The following APBA2 variants were observed in gnomAD, a reference collection of about 807,000 sequenced individuals.
APBA2 encodes amyloid-beta A4 precursor protein-binding family A member 2.
A neutral mutation model predicts 75.0 loss-of-function variants in APBA2; 30 were observed. The ratio of observed to expected loss-of-function variants is 0.40; its 90% CI spans 0.30 to 0.54. APBA2 has a LOEUF of 0.54. APBA2 is among the 20% of genes least tolerant of loss of function. The pLI, the probability that APBA2 is intolerant of heterozygous loss-of-function variation, is 0.49. For missense variants in APBA2, 801 were observed against 1,016.1 expected (o/e 0.79, Z 2.88); for synonymous variants, 444 against 409.6 (o/e 1.08, Z -1.01).
intron 14 of APBA2, 66 bp downstream of exon 14, chr15:29,114,082 A>G: frequency 6.2e-7 from 1 of 1,608,282 alleles, no homozygotes; most frequent in Non-Finnish European, 8.5e-7. Flanking sequence ...GCCCTCCATG[A>G]GCCTCCCCCG....
intron 2 of APBA2, among the ~76,000 whole-genome samples, chr15:28,969,147 T>TCTTTCTTC (rs1400681376): frequency 1.3e-5 from 1 of 76,170 alleles, no homozygotes; most frequent in African/African-American, 4.7e-4. Flanking sequence ...TTTCTTTCTT[T>TCTTTCTTC]CTTTCTTTCT....
intron 1 of APBA2, 43 bp from the exon 2 acceptor site, chr15:28,921,597 A>G (rs1288385347): frequency 1.3e-5 from 2 of 152,194 alleles, no homozygotes; most frequent in African/African-American, 2.4e-5. Context: ...TTCCTTTCTC[A>G]GCTGGTTGAC....
intron 2 of APBA2, among the ~76,000 whole-genome samples, chr15:28,983,800 T>A (rs961200664): frequency 6.6e-6 from 1 of 152,158 alleles, no homozygotes; most frequent in Non-Finnish European, 1.5e-5. Flanking sequence ...GAAACCCACC[T>A]CTGGGGAAGG....
At chr15:29,012,279 T>C (rs1447270430) in intron 3 of APBA2, among the ~76,000 whole-genome samples, 1 of 152,212 alleles carries the variant, frequency 6.6e-6, no homozygotes, top group African/African-American at 2.4e-5. Flanking sequence ...TCCTCTGACT[T>C]TCCTTGTTTC....
intron 3 of APBA2, among the ~76,000 whole-genome samples, chr15:29,009,698 G>C (rs1056288096): frequency 6.6e-6 from 1 of 152,076 alleles, no homozygotes; most frequent in Non-Finnish European, 1.5e-5. Flanking sequence ...TTTTATGTCA[G>C]CTTATTTTAT....
chr15:29,007,297 G>A (rs1225227133), intron 3 of APBA2, among the ~76,000 whole-genome samples: 1 of 152,126 alleles, frequency 6.6e-6, no homozygotes, highest in Non-Finnish European at 1.5e-5. Context: ...AAGAAAACAG[G>A]TGCACAACTT....
Position 29,105,408 on chromosome 15 carries a change from G to A in APBA2, c.1554G>A (p.Gln518=), listed in dbSNP as rs779194069. 1.2e-6 allele frequency: 2 copies of A among 1,612,452 alleles called. No individual in the cohort carries two copies. The change falls in exon 11 of 15, where the codon CAG becomes CAA. Residue 518 remains glutamine (Q), a synonymous_variant. Coordinates refer to ENST00000683413, the MANE Select transcript of APBA2 (RefSeq NM_001353788.2). ...AGCTCATCGCCCAGTCTATCGGCCA[G>A]GCCTTCAGCGTGGCCTACCAGGAGT... is the stretch of plus-strand genomic sequence containing the variant. ...DAQLIAQSIG[Q]AFSVAYQEFL...
At position 29,094,314 on chromosome 15, in the gene APBA2, G is replaced by A. The variant is rs759703432; in HGVS notation, c.1251+1G>A. On this transcript the variant is annotated splice_donor_variant, in intron 8 of 14. Coordinates refer to ENST00000683413, the MANE Select transcript of APBA2 (RefSeq NM_001353788.2). LOFTEE classifies it high-confidence loss of function. ...GGCTGCTAAGATCAAGAAAAAAGCGGTGTGTAGGGCCTTGAGGCCCTGGGA... is the reference window on the plus strand; with the variant it reads ...GGCTGCTAAGATCAAGAAAAAAGCGATGTGTAGGGCCTTGAGGCCCTGGGA... 1.2e-6 allele frequency: 2 copies of A among 1,614,074 alleles called. No homozygotes were observed. Among genetic ancestry groups the A allele is most frequent in the African/African-American group, 1.3e-5 (1 of 74,946 alleles).
chr15:28,931,737 C>T (rs2152689090), intron 2 of APBA2, among the ~76,000 whole-genome samples: 1 of 152,250 alleles, frequency 6.6e-6, no homozygotes, highest in Non-Finnish European at 1.5e-5. Context: ...ATGTTATTGT[C>T]TGCATTTGGC....
At chr15:29,101,310 A>C (rs1397601470) in intron 9 of APBA2, among the ~76,000 whole-genome samples, 1 of 151,220 alleles carries the variant, frequency 6.6e-6, no homozygotes, top group Non-Finnish European at 1.5e-5. Context: ...GCTCGATGCA[A>C]CCTCTGCCTT....
intron 1 of APBA2, among the ~76,000 whole-genome samples, chr15:28,889,546 G>C (rs2031990776): frequency 6.6e-6 from 1 of 152,156 alleles, no homozygotes; most frequent in Non-Finnish European, 1.5e-5. Flanking sequence ...GCCCCTCCAG[G>C]CTGCCCTGGC....
At chr15:29,029,905 C>G (rs1014457712) in intron 3 of APBA2, among the ~76,000 whole-genome samples, 6 of 152,140 alleles carry the variant, frequency 3.9e-5, no homozygotes, top group African/African-American at 1.4e-4. Flanking sequence ...CCAGAGGTGC[C>G]GGACATGCAG....
intron 1 of APBA2, among the ~76,000 whole-genome samples, chr15:28,901,908 A>ATGTGTGTGTGTGTG (rs766260051): frequency 0.096 from 6,432 of 67,306 alleles, 992 homozygotes; most frequent in African/African-American, 0.15. Context: ...GGAGCTTTTG[A>ATGTGTGTGTGTGTG]TGTGTGTGTG....
chr15:29,015,279 C>A (rs1352643303), intron 3 of APBA2, among the ~76,000 whole-genome samples: 1 of 152,128 alleles, frequency 6.6e-6, no homozygotes, highest in East Asian at 1.9e-4. Flanking sequence ...TTGTCCAGGG[C>A]AGTTGCAGAG....
rs1566984179 is a variant in APBA2 at position 29,081,692 on chromosome 15, T to TAAAAGGAAAAA, written c.1069+5601_1069+5602insAAAAGGAAAAA. Among the ~76,000 whole-genome samples the TAAAAGGAAAAA allele has an allele frequency of 1.2e-4, 19 of 152,362 alleles. 1 individual carries two copies. Among genetic ancestry groups the TAAAAGGAAAAA allele is most frequent in the Admixed American group, 9.8e-4 (15 of 15,304 alleles). On this transcript the variant is annotated intron_variant, in intron 6 of 14. Coordinates refer to ENST00000683413, the MANE Select transcript of APBA2 (RefSeq NM_001353788.2). The stretch of plus-strand genomic sequence containing the variant: ...GCCACATGGCTCTGTACTTAGCTTT[T>TAAAAGGAAAAA]TCCTTTCTTGCTAGATCTTGGAAAC...
intron 2 of APBA2, among the ~76,000 whole-genome samples, chr15:28,977,743 G>A (rs1256325940): frequency 6.6e-6 from 1 of 152,142 alleles, no homozygotes; most frequent in Non-Finnish European, 1.5e-5. Context: ...TCCTGCTCTC[G>A]TATGTGACAG....
intron 1 of APBA2, among the ~76,000 whole-genome samples, chr15:28,904,903 G>T (rs960769592): frequency 1.3e-5 from 2 of 152,236 alleles, no homozygotes; most frequent in Non-Finnish European, 2.9e-5. Flanking sequence ...TCCAGGGAGA[G>T]AGGCCTTTTC....
chr15:29,107,779 C>T (rs2044506499), intron 12 of APBA2, among the ~76,000 whole-genome samples: 2 of 152,202 alleles, frequency 1.3e-5, no homozygotes, highest in African/African-American at 2.4e-5. Context: ...CTGACAATTG[C>T]GTCCTCACTC....
Position 29,042,770 on chromosome 15 carries a change from C to T in APBA2, c.-40-11075C>T, listed in dbSNP as rs142559506. ...ACTTTTCCCCCTCGAGTCTTGTGGCCGCTTCTCTGGGGGTGACAGATTTCT... is the reference window on the plus strand; with the variant it reads ...ACTTTTCCCCCTCGAGTCTTGTGGCTGCTTCTCTGGGGGTGACAGATTTCT... On this transcript the variant is annotated intron_variant, in intron 3 of 14. Transcript: ENST00000683413. Among the ~76,000 whole-genome samples, 622 of 152,046 alleles carry T rather than the reference C, an allele frequency of 4.1e-3. 9 individuals carry two copies. The highest frequency in any genetic ancestry group is 0.013 in the African/African-American group (550 of 41,474).
Sources: allele counts gnomAD v4.1 joint callset (sites outside exome capture counted in the v4.1 genomes callset), GRCh38; gene constraint gnomAD v4.1.1; transcripts MANE v1.5; gene names NCBI Gene and HGNC (gene_info 2026-07-23, HGNC 2026-07-21).